The following FGF12 variants were observed in gnomAD, a reference collection of about 807,000 sequenced individuals.
The protein encoded by FGF12 is fibroblast growth factor 12B.
In FGF12, 14 loss-of-function variants were observed where a neutral mutation model predicts 23.6. The observed-to-expected ratio is 0.59, with a 90% confidence interval of 0.39 to 0.93. FGF12 has a LOEUF of 0.93. FGF12 is among the 40% of genes least tolerant of loss of function. The pLI is 0.00. For missense variants in FGF12, 175 were observed against 217.8 expected (o/e 0.80, Z 1.24); for synonymous variants, 62 against 77.3 (o/e 0.80, Z 1.04).
intron 2 of FGF12, among the ~76,000 whole-genome samples, chr3:192,623,956 T>G (rs1191577871): frequency 6.6e-6 from 1 of 152,194 alleles, no homozygotes; most frequent in Non-Finnish European, 1.5e-5. Flanking sequence ...GACTGTATAA[T>G]CAATTTTAAG....
intron 2 of FGF12, among the ~76,000 whole-genome samples, chr3:192,453,534 T>C (rs1049242276): frequency 1.3e-5 from 2 of 152,214 alleles, no homozygotes; most frequent in African/African-American, 4.8e-5. Context: ...TCTGAGGATC[T>C]ATTTGTCTCC....
chr3:192,571,289 C>T (rs562939390), intron 2 of FGF12, among the ~76,000 whole-genome samples: 1 of 152,326 alleles, frequency 6.6e-6, no homozygotes, highest in Non-Finnish European at 1.5e-5. Context: ...CTGCAAACAT[C>T]GCGGTCTGTG....
chr3:192,293,837 C>G (rs772863308), intron 4 of FGF12, among the ~76,000 whole-genome samples: 3 of 152,070 alleles, frequency 2.0e-5, no homozygotes, highest in African/African-American at 7.2e-5. Flanking sequence ...TCTTACAGTT[C>G]CAGAGGATGG....
intron 1 of FGF12, 76 bp downstream of exon 1, chr3:192,727,408 G>A (rs1719255400): frequency 3.5e-6 from 5 of 1,411,952 alleles, no homozygotes; most frequent in Non-Finnish European, 4.7e-6. Flanking sequence ...CCTCTACAGG[G>A]GATACGTTGC....
intron 2 of FGF12, among the ~76,000 whole-genome samples, chr3:192,492,271 T>C (rs1723823586): frequency 6.6e-6 from 1 of 152,206 alleles, no homozygotes; most frequent in African/African-American, 2.4e-5. Flanking sequence ...CATTAGTTAA[T>C]ATATAATTGT....
intron 4 of FGF12, among the ~76,000 whole-genome samples, chr3:192,331,324 A>C (rs942337415): frequency 1.4e-4 from 20 of 142,418 alleles, no homozygotes; most frequent in Middle Eastern, 7.0e-3. Context: ...AAAAAAAAAA[A>C]AAAAAAAACA....
At chr3:192,203,248 GA>G (rs1422576334) in intron 4 of FGF12, among the ~76,000 whole-genome samples, 1 of 151,780 alleles carries the variant, frequency 6.6e-6, no homozygotes, top group Non-Finnish European at 1.5e-5. Context: ...ATAAGTTGTA[GA>G]TTTCATATGC....
chr3:192,708,649 A>G (rs1028894271), intron 2 of FGF12, among the ~76,000 whole-genome samples: 5 of 152,208 alleles, frequency 3.3e-5, no homozygotes, highest in Admixed American at 1.3e-4. Flanking sequence ...TTCACAGCCT[A>G]GAAAACAAGC....
At chr3:192,203,969 T>C (rs1398727130) in intron 4 of FGF12, among the ~76,000 whole-genome samples, 6 of 152,110 alleles carry the variant, frequency 3.9e-5, no homozygotes, top group African/African-American at 1.2e-4. Flanking sequence ...AACTGCACTT[T>C]TTAGAAATAA....
intron 2 of FGF12, among the ~76,000 whole-genome samples, chr3:192,444,228 GTCTGACCTTGACA>G (rs1722285467): frequency 6.6e-6 from 1 of 152,050 alleles, no homozygotes; most frequent in African/African-American, 2.4e-5. Context: ...GTTCTCTCCG[GTCTGACCTTGACA>G]GCTGACCTTG....
chr3:192,264,892 C>T (rs1712983235), intron 4 of FGF12, among the ~76,000 whole-genome samples: 2 of 152,258 alleles, frequency 1.3e-5, no homozygotes, highest in Non-Finnish European at 1.5e-5. Flanking sequence ...GCCTCTGTCT[C>T]TCTAAATGTT....
intron 4 of FGF12, among the ~76,000 whole-genome samples, chr3:192,250,382 A>G (rs1294519575): frequency 6.6e-6 from 1 of 152,200 alleles, no homozygotes; most frequent in Admixed American, 6.5e-5. Flanking sequence ...AGCACAAGAA[A>G]ACAGGGCACC....
intron 4 of FGF12, among the ~76,000 whole-genome samples, chr3:192,182,698 G>T (rs962377768): frequency 4.6e-5 from 7 of 152,100 alleles, no homozygotes; most frequent in Admixed American, 6.5e-5. Context: ...ATCATTCTTT[G>T]AACTCTACTC....
intron 2 of FGF12, among the ~76,000 whole-genome samples, chr3:192,399,079 C>T (rs138636461): frequency 1.0e-3 from 157 of 150,926 alleles, no homozygotes; most frequent in Admixed American, 2.5e-3. Context: ...TGATGCAGCT[C>T]AGTTTTGGGA....
chr3:192,537,539 C>T (rs1725253097), intron 2 of FGF12, among the ~76,000 whole-genome samples: 1 of 152,168 alleles, frequency 6.6e-6, no homozygotes, highest in Non-Finnish European at 1.5e-5. Flanking sequence ...GTTAGCATTT[C>T]TCTGATAATC....
chr3:192,437,678 A>C (rs1237945464), intron 2 of FGF12, among the ~76,000 whole-genome samples: 3 of 151,962 alleles, frequency 2.0e-5, no homozygotes, highest in African/African-American at 7.3e-5. Flanking sequence ...GCGACAAAGC[A>C]AGACTCCATC....
At chr3:192,572,386 T>C (rs924071742) in intron 2 of FGF12, among the ~76,000 whole-genome samples, 2 of 152,152 alleles carry the variant, frequency 1.3e-5, no homozygotes, top group African/African-American at 4.8e-5. Context: ...TCAAGCTCCA[T>C]TTACCTTTTG....
At chr3:192,391,493 T>C (rs1011166708) in intron 2 of FGF12, among the ~76,000 whole-genome samples, 4 of 152,212 alleles carry the variant, frequency 2.6e-5, no homozygotes, top group African/African-American at 7.2e-5. Flanking sequence ...CAAATATTAC[T>C]GTGCAGAGGG....
intron 4 of FGF12, among the ~76,000 whole-genome samples, chr3:192,331,902 C>T (rs1717142188): frequency 6.6e-6 from 1 of 151,964 alleles, no homozygotes. Context: ...TGTATAACTA[C>T]CTTAACTGCA....
Sources: allele counts gnomAD v4.1 joint callset (sites outside exome capture counted in the v4.1 genomes callset), GRCh38; gene constraint gnomAD v4.1.1; transcripts MANE v1.5; gene names NCBI Gene and HGNC (gene_info 2026-07-23, HGNC 2026-07-21).